The following YES1 variants were observed in gnomAD, a reference collection of about 807,000 sequenced individuals.
YES1 encodes tyrosine-protein kinase Yes.
Under a neutral mutation model 70.4 loss-of-function variants are expected in YES1, and 39 were observed. That is an observed-to-expected ratio of 0.55 (90% confidence interval 0.43 to 0.72). The LOEUF is 0.72. YES1 is among the 30% of genes least tolerant of loss of function. The pLI is 0.00. For missense variants in YES1, 495 were observed against 644.8 expected (o/e 0.77, Z 2.52); for synonymous variants, 198 against 218.6 (o/e 0.91, Z 0.83).
intron 1 of YES1, among the ~76,000 whole-genome samples, chr18:781,473 A>G (rs1332360771): frequency 6.6e-6 from 1 of 152,124 alleles, no homozygotes; most frequent in Non-Finnish European, 1.5e-5. Flanking sequence ...TTGATCTCCC[A>G]TGTGCTCACA....
chr18:757,347 C>CATA (rs1904328147), intron 1 of YES1, among the ~76,000 whole-genome samples: 1 of 151,380 alleles, frequency 6.6e-6, no homozygotes, highest in Non-Finnish European at 1.5e-5. Context: ...ACTAAAAATG[C>CATA]AAAAAATTAG....
chr18:753,898 A>G (rs1466569226), intron 2 of YES1, among the ~76,000 whole-genome samples: 1 of 152,166 alleles, frequency 6.6e-6, no homozygotes, highest in Non-Finnish European at 1.5e-5. Flanking sequence ...ATCTAAGTAA[A>G]TGGCCCTACC....
At chr18:734,977 G>A (rs955528347) in intron 10 of YES1, among the ~76,000 whole-genome samples, 1 of 152,024 alleles carries the variant, frequency 6.6e-6, no homozygotes, top group African/African-American at 2.4e-5. Context: ...GGCCAACATG[G>A]TGAAACCGTG....
At chr18:804,032 T>C (rs2145838801) in intron 1 of YES1, among the ~76,000 whole-genome samples, 1 of 152,340 alleles carries the variant, frequency 6.6e-6, no homozygotes, top group South Asian at 2.1e-4. Flanking sequence ...AGTTTCTTTG[T>C]TTTAGAAAAT....
chr18:802,956 G>C (rs956543835), intron 1 of YES1, among the ~76,000 whole-genome samples: 1 of 152,110 alleles, frequency 6.6e-6, no homozygotes, highest in Non-Finnish European at 1.5e-5. Context: ...GGCTGGGCAT[G>C]GTGGCTCACA....
intron 1 of YES1, among the ~76,000 whole-genome samples, chr18:781,251 G>A (rs1265988754): frequency 1.4e-5 from 2 of 140,990 alleles, no homozygotes; most frequent in Admixed American, 1.5e-4. Context: ...CCTGGGGGAC[G>A]AGAGTGAAAC....
At chr18:737,066 T>C (rs2145690873) in intron 9 of YES1, 105 bp from the exon 10 acceptor site, 1 of 991,792 alleles carries the variant, frequency 1.0e-6, no homozygotes, top group Non-Finnish European at 1.4e-6. Flanking sequence ...ATCATATTAT[T>C]TTAGAAGGAG....
chr18:756,151 A>C (rs529375362), intron 2 of YES1, among the ~76,000 whole-genome samples: 35 of 152,286 alleles, frequency 2.3e-4, no homozygotes, highest in African/African-American at 7.9e-4. Context: ...CTCTACTGTC[A>C]TTTAATTAAC....
chr18:756,929 C>A, intron 1 of YES1, 94 bp from the exon 2 acceptor site: 1 of 1,206,574 alleles, frequency 8.3e-7, no homozygotes, highest in Non-Finnish European at 1.1e-6. Flanking sequence ...AAAGCATATG[C>A]CATCCCTGCA....
At chr18:784,249 T>A (rs1420806676) in intron 1 of YES1, among the ~76,000 whole-genome samples, 1 of 152,234 alleles carries the variant, frequency 6.6e-6, no homozygotes, top group East Asian at 1.9e-4. Flanking sequence ...ATATAAATAA[T>A]AAAGATGTAT....
chr18:765,399 CTTTT>C (rs1160937016), intron 1 of YES1, among the ~76,000 whole-genome samples: 1 of 123,480 alleles, frequency 8.1e-6, no homozygotes, highest in Non-Finnish European at 1.7e-5. Flanking sequence ...TAATTTAACA[CTTTT>C]TTTTTTTTTT....
intron 1 of YES1, among the ~76,000 whole-genome samples, chr18:766,178 C>T (rs577893431): frequency 7.9e-5 from 12 of 152,262 alleles, no homozygotes; most frequent in South Asian, 4.1e-4. Flanking sequence ...TCCAGCCCTA[C>T]GTAGTAAATA....
chr18:790,471 A>G (rs943373210), intron 1 of YES1, among the ~76,000 whole-genome samples: 4 of 152,134 alleles, frequency 2.6e-5, no homozygotes, highest in African/African-American at 7.2e-5. Flanking sequence ...TTTTCTTTTA[A>G]TTTCCTCTTA....
chr18:737,510 C>T (rs913916997), intron 9 of YES1: 1 of 152,332 alleles, frequency 6.6e-6, no homozygotes, highest in Non-Finnish European at 1.5e-5. Flanking sequence ...CTAATGTCTT[C>T]TTGTGTCTGT....
chr18:730,822 C>T (rs1015100715), intron 11 of YES1, among the ~76,000 whole-genome samples: 10 of 152,154 alleles, frequency 6.6e-5, no homozygotes, highest in African/African-American at 2.4e-4. Context: ...CATGGTTATA[C>T]ATTTAAAGTG....
At chr18:748,123 AT>A in intron 3 of YES1, 105 bp from the exon 4 acceptor site, 2 of 823,946 alleles carry the variant, frequency 2.4e-6, no homozygotes, top group Non-Finnish European at 1.9e-6. Flanking sequence ...TATTACTTTC[AT>A]TTTTTATTTA....
At chr18:804,027 C>G (rs1009043156) in intron 1 of YES1, among the ~76,000 whole-genome samples, 3 of 152,150 alleles carry the variant, frequency 2.0e-5, no homozygotes, top group Non-Finnish European at 2.9e-5. Flanking sequence ...ATTTTAGTTT[C>G]TTTGTTTTAG....
At chr18:771,356 A>G (rs1905147813) in intron 1 of YES1, among the ~76,000 whole-genome samples, 1 of 152,000 alleles carries the variant, frequency 6.6e-6, no homozygotes, top group African/African-American at 2.4e-5. Flanking sequence ...AATAAGAGCA[A>G]AACTTTGTCT....
intron 1 of YES1, among the ~76,000 whole-genome samples, chr18:770,589 T>G (rs939682287): frequency 1.3e-5 from 2 of 152,162 alleles, no homozygotes; most frequent in Non-Finnish European, 2.9e-5. Flanking sequence ...CTGATCTCTA[T>G]CTCTTCATCT....
Sources: gnomAD v4.1 joint callset for allele counts (sites outside exome capture counted in the v4.1 genomes callset) on GRCh38, gnomAD v4.1.1 for gene constraint, MANE v1.5 for transcripts, NCBI Gene and HGNC (gene_info 2026-07-23, HGNC 2026-07-21) for gene names.